Variants in ASTN2 observed in about 807,000 individuals in gnomAD.
ASTN2 encodes astrotactin-2.
Under a neutral mutation model 139.8 loss-of-function variants are expected in ASTN2, and 54 were observed. That is an observed-to-expected ratio of 0.39 (90% CI 0.31 to 0.48). ASTN2 has a LOEUF of 0.48. ASTN2 is among the 20% of genes least tolerant of loss of function. The pLI is 0.95. For missense variants in ASTN2, 1,565 were observed against 1,725.1 expected (o/e 0.91, Z 1.64); for synonymous variants, 756 against 719.5 (o/e 1.05, Z -0.81).
Position 116,472,240 on chromosome 9 carries a change from T to C in ASTN2, c.3497+15119A>G, listed in dbSNP as rs531857681. On this transcript the variant is annotated intron_variant, in intron 20 of 22. Transcript: ENST00000313400. ...TGCCCTGAATCTCTGTTGTACCCCA[T>C]ATGTGGTCCCTTCAATATCCTACCT... Among the ~76,000 whole-genome samples, 78 of 152,270 alleles carry C rather than the reference T, an allele frequency of 5.1e-4. 3 individuals are homozygous for C. The South Asian group carries it at 0.016, about 30-fold the overall frequency.
intron 12 of ASTN2, among the ~76,000 whole-genome samples, chr9:116,807,196 C>T (rs911506373): frequency 9.2e-5 from 14 of 152,210 alleles, no homozygotes; most frequent in Admixed American, 3.9e-4. Context: ...TGAAGCTAAC[C>T]GCAAAGGGAC....
At chr9:117,215,135 T>C (rs1009406271) in intron 2 of ASTN2, among the ~76,000 whole-genome samples, 1 of 152,140 alleles carries the variant, frequency 6.6e-6, no homozygotes, top group African/African-American at 2.4e-5. Flanking sequence ...TGTCTGAATC[T>C]AGACTCCATC....
chr9:116,970,274 G>T (rs1189581921), intron 10 of ASTN2, among the ~76,000 whole-genome samples: 1 of 152,084 alleles, frequency 6.6e-6, no homozygotes, highest in East Asian at 1.9e-4. Flanking sequence ...TGATACCTTT[G>T]GGGATCATTA....
At chr9:117,174,244 A>G (rs1002003954) in intron 3 of ASTN2, among the ~76,000 whole-genome samples, 5 of 152,030 alleles carry the variant, frequency 3.3e-5, no homozygotes, top group African/African-American at 1.2e-4. Context: ...CATATATAAT[A>G]CTATCTGCTA....
intron 22 of ASTN2, among the ~76,000 whole-genome samples, chr9:116,438,111 G>A (rs371248536): frequency 1.3e-5 from 2 of 152,264 alleles, no homozygotes; most frequent in Non-Finnish European, 2.9e-5. Flanking sequence ...ATCATGAAGT[G>A]CTGCCCACTA....
At chr9:117,142,215 TCA>T (rs1341958431) in intron 3 of ASTN2, among the ~76,000 whole-genome samples, 1 of 152,306 alleles carries the variant, frequency 6.6e-6, no homozygotes, top group African/African-American at 2.4e-5. Context: ...GCAAAAGGTA[TCA>T]CCAAAAGGTT....
intron 7 of ASTN2, 143 bp downstream of exon 7, chr9:117,007,949 G>T: frequency 1.2e-6 from 1 of 846,806 alleles, no homozygotes; most frequent in Non-Finnish European, 1.7e-6. Flanking sequence ...ACATACATTA[G>T]TGTTTATTAG....
At chr9:117,239,859 T>A (rs1833154846) in intron 2 of ASTN2, among the ~76,000 whole-genome samples, 1 of 152,184 alleles carries the variant, frequency 6.6e-6, no homozygotes, top group Non-Finnish European at 1.5e-5. Flanking sequence ...AGAAAGCATT[T>A]GCTGTGTGTT....
At chr9:117,130,833 T>C in intron 4 of ASTN2, among the ~76,000 whole-genome samples, 1 of 152,156 alleles carries the variant, frequency 6.6e-6, no homozygotes, top group East Asian at 1.9e-4. Context: ...AAACATAGAA[T>C]AAAAGCTTGA....
chr9:116,435,370 T>G (rs1158113893), intron 22 of ASTN2, among the ~76,000 whole-genome samples: 1 of 152,206 alleles, frequency 6.6e-6, no homozygotes, highest in African/African-American at 2.4e-5. Flanking sequence ...AGAGCAAATG[T>G]ATCCAAACTG....
In ASTN2 at chr9:116,698,371, T is replaced by C; in HGVS notation, c.2806+27400A>G. On this transcript the variant is annotated intron_variant, in intron 16 of 22. Coordinates refer to ENST00000313400, the MANE Select transcript of ASTN2 (RefSeq NM_001365068.1). This position sits in a 1 kb window ranked among gnomAD's most constrained non-coding sequence, Gnocchi z 4.4. The stretch of plus-strand genomic sequence containing the variant: ...TCTCGGAAGTTCTTCACAGGCTCTT[T>C]GGCTGAAGTTGAGAAGTCCAATAGT... The C allele has an allele frequency of 6.2e-7, 1 of 1,614,132 alleles. No homozygotes were observed.
chr9:116,870,621 C>T (rs1833137463), intron 10 of ASTN2, among the ~76,000 whole-genome samples: 1 of 152,118 alleles, frequency 6.6e-6, no homozygotes, highest in Non-Finnish European at 1.5e-5. Flanking sequence ...GGCTCCAAAA[C>T]AGAGATAGCC....
chr9:117,291,931 G>T (rs1453488824), intron 1 of ASTN2, among the ~76,000 whole-genome samples: 5 of 152,144 alleles, frequency 3.3e-5, no homozygotes, highest in Admixed American at 3.3e-4. Context: ...AAGTTGAGCT[G>T]GAAGTACTCA....
At chr9:117,402,903 A>C (rs939408020) in intron 1 of ASTN2, among the ~76,000 whole-genome samples, 5 of 152,144 alleles carry the variant, frequency 3.3e-5, no homozygotes, top group African/African-American at 1.2e-4. Flanking sequence ...GCTAGAGCTA[A>C]GTCTAGGAGC....
At chr9:117,144,552 G>A (rs140327404) in intron 3 of ASTN2, among the ~76,000 whole-genome samples, 1 of 151,922 alleles carries the variant, frequency 6.6e-6, no homozygotes, top group Non-Finnish European at 1.5e-5. Context: ...GGAAAAGGAG[G>A]GATTAAGGAT....
At chr9:116,442,367 G>A in intron 21 of ASTN2, 86 bp downstream of exon 21, 2 of 1,013,846 alleles carry the variant, frequency 2.0e-6, no homozygotes, top group Non-Finnish European at 3.2e-6. Flanking sequence ...GTGTGCGTGT[G>A]TGTGTTTAAT....
chr9:116,932,069 T>C (rs1052271984), intron 10 of ASTN2, among the ~76,000 whole-genome samples: 2 of 152,030 alleles, frequency 1.3e-5, no homozygotes, highest in African/African-American at 4.8e-5. Context: ...GATAGGACCT[T>C]AGAGGCCATG....
intron 13 of ASTN2, among the ~76,000 whole-genome samples, chr9:116,744,246 T>A (rs1829175220): frequency 6.6e-6 from 1 of 152,134 alleles, no homozygotes; most frequent in Non-Finnish European, 1.5e-5. Context: ...AAGCTAAGTT[T>A]CAAGATGCTA....
At chr9:117,094,563 A>C (rs1828793233) in intron 5 of ASTN2, among the ~76,000 whole-genome samples, 1 of 152,054 alleles carries the variant, frequency 6.6e-6, no homozygotes, top group Non-Finnish European at 1.5e-5. Flanking sequence ...ATTGCTTCTC[A>C]GTTTTCTGGC....
Sources: gnomAD v4.1 joint callset for allele counts (sites outside exome capture counted in the v4.1 genomes callset) on GRCh38, gnomAD v4.1.1 for gene constraint, Gnocchi (gnomAD v3.1) non-coding constraint, MANE v1.5 for transcripts, NCBI Gene and HGNC (gene_info 2026-07-23, HGNC 2026-07-21) for gene names.